Variants in EML4 observed in about 807,000 individuals in gnomAD.
EML4 encodes the protein EMAP like 4.
A neutral mutation model predicts 129.0 loss-of-function variants in EML4; 72 were observed. The ratio of observed to expected loss-of-function variants is 0.56; its 90% CI spans 0.46 to 0.68. EML4 has a LOEUF of 0.68. Among genes scored for constraint, EML4 ranks in the 30% least tolerant of loss-of-function variants. The probability of loss-of-function intolerance (pLI) is 0.00; values close to 1 mark genes in which losing one functional copy is unlikely to be tolerated. For missense variants in EML4, 1,363 were observed against 1,190.6 expected, an observed-to-expected ratio of 1.14 and a Z score of -2.13; for synonymous variants, 532 against 405.0, an observed-to-expected ratio of 1.31 and a Z score of -3.77.
intron 1 of EML4, among the ~76,000 whole-genome samples, chr2:42,222,340 A>G (rs1673661387): frequency 6.6e-6 from 1 of 152,148 alleles, no homozygotes; most frequent in African/African-American, 2.4e-5. Context: ...ACTGTTTTGT[A>G]TCCTGTGAGC....
At chr2:42,296,981 C>T (rs1021633682) in intron 13 of EML4, among the ~76,000 whole-genome samples, 1 of 152,154 alleles carries the variant, frequency 6.6e-6, no homozygotes, top group South Asian at 2.1e-4. Context: ...ATCCATTCAC[C>T]TGAATGTCTA....
chr2:42,301,355 T>G lies in EML4; in HGVS notation c.1604T>G (p.Leu535Arg), dbSNP rs965972593. ...TGGGKDRKIILWDHDLNPERE... is the reference protein window; with the variant it reads ...TGGGKDRKIIRWDHDLNPERE... Reference sequence around the variant, plus strand: ...GGAGGGAAAGACAGAAAAATAATTCTGTGGGATCATGATCTGAATCCTGAA... The same window carrying G: ...GGAGGGAAAGACAGAAAAATAATTCGGTGGGATCATGATCTGAATCCTGAA... Residue 535 changes from leucine to arginine, a missense_variant, in exon 14 of 23, where the codon CTG (leucine) becomes CGG (arginine). By Grantham distance (102) the Leu-to-Arg change is moderately radical. Coordinates refer to ENST00000318522, the MANE Select transcript of EML4 (RefSeq NM_019063.5). 2 of 1,613,074 alleles carry G rather than the reference T, an allele frequency of 1.2e-6. No homozygotes were observed.
At chr2:42,324,575 C>T (rs1669688723) in intron 19 of EML4, among the ~76,000 whole-genome samples, 1 of 152,108 alleles carries the variant, frequency 6.6e-6, no homozygotes, top group African/African-American at 2.4e-5. Flanking sequence ...GCCATGATAG[C>T]ACCATTGTAC....
intron 2 of EML4, among the ~76,000 whole-genome samples, chr2:42,250,389 T>C (rs1675692038): frequency 6.6e-6 from 1 of 152,164 alleles, no homozygotes; most frequent in South Asian, 2.1e-4. Flanking sequence ...TATCATAGGT[T>C]TGCTGTAAAT....
intron 2 of EML4, among the ~76,000 whole-genome samples, chr2:42,249,220 T>C (rs527984476): frequency 6.6e-6 from 1 of 152,254 alleles, no homozygotes; most frequent in South Asian, 2.1e-4. Flanking sequence ...TGAAATTATC[T>C]TGTAGGGATT....
chr2:42,241,327 T>G lies in EML4; in HGVS notation c.26-4178T>G, dbSNP rs907648571. 2.7e-4 allele frequency among the ~76,000 whole-genome samples: 41 copies of G among 152,342 alleles called. 1 individual carries two copies. Among genetic ancestry groups the G allele is most frequent in the Admixed American group, 2.3e-3 (35 of 15,302 alleles). On this transcript the variant is annotated intron_variant, in intron 1 of 22. Transcript: ENST00000318522. ...AGCTGTGAGGAACTCTGGTGATAAC[T>G]ACTATGCTCTGTTACATTGCCATTG...
chr2:42,230,739 G>A (rs1674287193), intron 1 of EML4, among the ~76,000 whole-genome samples: 1 of 152,130 alleles, frequency 6.6e-6, no homozygotes, highest in South Asian at 2.1e-4. Context: ...TTCTCAGCAG[G>A]GCACTGTGTC....
chr2:42,179,515 T>A (rs1010821688), intron 1 of EML4, among the ~76,000 whole-genome samples: 2 of 152,198 alleles, frequency 1.3e-5, no homozygotes, highest in African/African-American at 4.8e-5. Context: ...TTTTTATTCT[T>A]AGGAAATACA....
At position 42,316,038 on chromosome 2, in the gene EML4, C is replaced by T. The variant is rs1209783271; in HGVS notation, c.2044C>T (p.Arg682Cys). 4 of 1,612,464 alleles carry T rather than the reference C, an allele frequency of 2.5e-6. No homozygotes were observed. Among genetic ancestry groups the T allele is most frequent in the Non-Finnish European group, 3.4e-6 (4 of 1,178,716 alleles). Reference sequence around the variant, plus strand: ...CGGGAATGAACAGCTCTCTGTGATGCGCTACTCAATAGGTAGGCAAATTTA... The same window carrying T: ...CGGGAATGAACAGCTCTCTGTGATGTGCTACTCAATAGGTAGGCAAATTTA... ...TDGNEQLSVM[R>C]YSIDGTFLAV... is the part of the protein sequence containing the mutation. Residue 682 changes from arginine (R) to cysteine (C), a missense_variant, in exon 18 of 23, where the codon CGC (arginine) becomes TGC (cysteine). Transcript: ENST00000318522.
intron 17 of EML4, among the ~76,000 whole-genome samples, chr2:42,313,093 C>T (rs779982288): frequency 5.3e-5 from 8 of 151,608 alleles, no homozygotes; most frequent in African/African-American, 1.5e-4. Flanking sequence ...GGACTACAGG[C>T]GCCTGCTACC....
chr2:42,289,438 GT>G (rs1667497690), intron 11 of EML4: 1 of 151,604 alleles, frequency 6.6e-6, no homozygotes, highest in African/African-American at 2.4e-5. Context: ...GCTGAGTCCC[GT>G]ATCAGTTATC....
intron 1 of EML4, among the ~76,000 whole-genome samples, chr2:42,236,112 A>G (rs1212864033): frequency 6.6e-6 from 1 of 152,254 alleles, no homozygotes; most frequent in East Asian, 1.9e-4. Flanking sequence ...AATTTTGTGT[A>G]TATCATTCCC....
chr2:42,268,967 A>G (rs1666221123), intron 6 of EML4, among the ~76,000 whole-genome samples: 1 of 152,190 alleles, frequency 6.6e-6, no homozygotes, highest in Non-Finnish European at 1.5e-5. Flanking sequence ...TTTTGAGGAA[A>G]AAGGAAGTCA....
intron 19 of EML4, among the ~76,000 whole-genome samples, chr2:42,320,809 A>C (rs575150599): frequency 2.0e-5 from 3 of 152,218 alleles, no homozygotes; most frequent in African/African-American, 4.8e-5. Flanking sequence ...ACCTTTTAAC[A>C]CTGTTACTCG....
At position 42,259,493 on chromosome 2, in the gene EML4, T is replaced by G. The variant is rs186767846; in HGVS notation, c.339-1628T>G. Among the ~76,000 whole-genome samples, 32 of 152,138 alleles carry G rather than the reference T, an allele frequency of 2.1e-4. No individual in the cohort carries two copies. In the Middle Eastern group the frequency reaches 0.01, roughly 49 times the overall value. On this transcript the variant is annotated intron_variant, in intron 3 of 22. Coordinates refer to ENST00000318522, the MANE Select transcript of EML4 (RefSeq NM_019063.5). Reference sequence around the variant, plus strand: ...CTGAAATATTTTAACATAAGATACATTCACCTGTATTCATTCATCACTTTT... The same window carrying G: ...CTGAAATATTTTAACATAAGATACAGTCACCTGTATTCATTCATCACTTTT...
chr2:42,330,465 T>C lies in EML4; in HGVS notation c.*258T>C, dbSNP rs1670047874. ...ATTAATGATGTCTCACAAATTACTG[T>C]GTACCTAAGTGGTGTGATGTAAATA... On this transcript the variant is annotated 3_prime_UTR_variant, in exon 23 of 23. Transcript: ENST00000318522. The C allele has an allele frequency of 1.8e-6, 1 of 556,860 alleles. No homozygotes were observed. The highest frequency in any genetic ancestry group is 3.2e-6 in the Non-Finnish European group (1 of 308,074). 34.5% of individuals were successfully genotyped at this position (556,860 alleles called of 1,614,324 possible).
chr2:42,314,696 A>T (rs1039377419), intron 17 of EML4, among the ~76,000 whole-genome samples: 2 of 152,074 alleles, frequency 1.3e-5, no homozygotes, highest in Non-Finnish European at 2.9e-5. Flanking sequence ...TTTAGTGCCT[A>T]CTCTGATCTG....
chr2:42,259,944 A>G (rs1340516267), intron 3 of EML4, among the ~76,000 whole-genome samples: 1 of 151,286 alleles, frequency 6.6e-6, no homozygotes, highest in African/African-American at 2.4e-5. Context: ...GTTAGGCAGG[A>G]TGGTCTTGAT....
At chr2:42,257,325 C>G (rs767910118) in intron 3 of EML4, among the ~76,000 whole-genome samples, 2 of 152,118 alleles carry the variant, frequency 1.3e-5, no homozygotes, top group African/African-American at 2.4e-5. Context: ...CATAGGTGAT[C>G]AGCTACAAAA....
Sources: allele counts gnomAD v4.1 joint callset (sites outside exome capture counted in the v4.1 genomes callset), GRCh38; gene constraint gnomAD v4.1.1; transcripts MANE v1.5; gene names NCBI Gene and HGNC (gene_info 2026-07-23, HGNC 2026-07-21).